HMCN1: variants seen among roughly 807,000 people sequenced by gnomAD.
HMCN1 encodes the protein hemicentin 1, also known as hemicentin-1.
A neutral mutation model predicts 625.9 loss-of-function variants in HMCN1; 321 were observed. That is an observed-to-expected ratio of 0.51 (90% CI 0.47 to 0.56). The LOEUF is 0.56. Ranked by LOEUF, HMCN1 falls within the 20% of genes least tolerant of loss-of-function variation. The probability of loss-of-function intolerance (pLI) is 0.00; values close to 1 mark genes in which losing one functional copy is unlikely to be tolerated. For synonymous variants in HMCN1, 2,425 were observed against 2,417.6 expected (o/e 1.00, Z -0.09); for missense variants, 6,588 against 6,887.3 (o/e 0.96, Z 1.54).
intron 46 of HMCN1, among the ~76,000 whole-genome samples, chr1:186,059,368 T>C (rs1160409258): frequency 6.6e-6 from 1 of 152,114 alleles, no homozygotes; most frequent in East Asian, 1.9e-4. Flanking sequence ...GGGACTCTTA[T>C]TAAATATAGT....
intron 4 of HMCN1, among the ~76,000 whole-genome samples, chr1:185,880,321 T>G (rs1218114887): frequency 4.6e-5 from 7 of 152,140 alleles, no homozygotes; most frequent in Non-Finnish European, 7.4e-5. Flanking sequence ...AAAAGGAGAT[T>G]GATAATTGCA....
Position 186,086,300 on chromosome 1 carries a change from A to C in HMCN1, c.8939A>C (p.Asn2980Thr), listed in dbSNP as rs150226500. 5.8e-4 allele frequency: 943 copies of C among 1,613,260 alleles called. No homozygotes were observed. The highest frequency in any genetic ancestry group is 5.3e-3 in the Middle Eastern group (32 of 6,056). Residue 2980 changes from asparagine to threonine, a missense_variant, in exon 58 of 107, where the codon AAT (asparagine) becomes ACT (threonine). By Grantham distance (65) the Asn-to-Thr change is moderately conservative. This residue lies in a region of HMCN1 where 4,628 missense variants were observed against 4,853.1 expected (regional missense o/e 0.95). Coordinates refer to ENST00000271588, the MANE Select transcript of HMCN1 (RefSeq NM_031935.3). ...GAAAATCTTACCGTCGTGGTGAACA[A>C]TTTCATCTCTTTGACCTGTGAGGTC... ...KSENLTVVVN[N>T]FISLTCEVSG...
intron 20 of HMCN1, among the ~76,000 whole-genome samples, 177 bp from the exon 21 acceptor site, chr1:185,989,307 TTTTA>T (rs2102024396): frequency 6.6e-6 from 1 of 152,250 alleles, no homozygotes. Flanking sequence ...ATTTTAGTAC[TTTTA>T]TTTGTCTAAT....
At chr1:185,960,435 A>G (rs1297798415) in intron 11 of HMCN1, among the ~76,000 whole-genome samples, 1 of 152,120 alleles carries the variant, frequency 6.6e-6, no homozygotes, top group African/African-American at 2.4e-5. Flanking sequence ...GGCAATCAGC[A>G]GGAATATTCT....
At position 186,033,840 on chromosome 1, in the gene HMCN1, A is replaced by G. The variant is rs1175275093; in HGVS notation, c.5750-4094A>G. Reference sequence around the variant, plus strand: ...ATATTTTAAATAACATAATTTGGCAACTCTGGAAATCATATCCTTCTCTCC... The same window carrying G: ...ATATTTTAAATAACATAATTTGGCAGCTCTGGAAATCATATCCTTCTCTCC... On this transcript the variant is annotated intron_variant, in intron 36 of 106. Transcript: ENST00000271588. Among the ~76,000 whole-genome samples the G allele has an allele frequency of 2.0e-5, 3 of 151,712 alleles. No individual in the cohort carries two copies. The East Asian group carries it at 5.8e-4, about 29-fold the overall frequency.
rs576705420 is a variant in HMCN1, at chr1:185,866,590, T to C, written c.621+727T>C. On this transcript the variant is annotated intron_variant, in intron 4 of 106. Transcript: ENST00000271588. ...CGGCTAATTTTTTTTGTATTTTTAG[T>C]AGAGACGGGGTTTCACCATGTTAGC... Among the ~76,000 whole-genome samples, 126 of 151,804 alleles carry C rather than the reference T, an allele frequency of 8.3e-4. 1 individual carries two copies. The highest frequency in any genetic ancestry group is 2.9e-3 in the African/African-American group (120 of 41,460).
At chr1:185,872,276 T>G (rs757281310) in intron 4 of HMCN1, among the ~76,000 whole-genome samples, 6 of 152,140 alleles carry the variant, frequency 3.9e-5, no homozygotes, top group Non-Finnish European at 7.3e-5. Flanking sequence ...TGTGCTAAGA[T>G]TGACATGTTG....
chr1:186,067,928 T>C lies in HMCN1; in HGVS notation c.7800T>C (p.Tyr2600=). 3 of 1,613,534 alleles carry C rather than the reference T, an allele frequency of 1.9e-6. No homozygotes were observed. The highest frequency in any genetic ancestry group is 2.5e-6 in the Non-Finnish European group (3 of 1,179,470). Reference sequence around the variant, plus strand: ...CTACATCTTTGGTCTGTGAAGCTTATTCATATCCTCCAGCTACCATCACCT... The same window carrying C: ...CTACATCTTTGGTCTGTGAAGCTTACTCATATCCTCCAGCTACCATCACCT... ...NSPTSLVCEA[Y]SYPPATITWF... is the part of the protein sequence containing the mutation. The change falls in exon 50 of 107, where the codon TAT becomes TAC. Residue 2600 remains tyrosine (Y), a synonymous_variant. Transcript: ENST00000271588.
intron 1 of HMCN1, among the ~76,000 whole-genome samples, chr1:185,781,914 T>A (rs1044927733): frequency 6.6e-6 from 1 of 152,222 alleles, no homozygotes; most frequent in African/African-American, 2.4e-5. Flanking sequence ...GTTAACTTTC[T>A]GTCTTGTAGA....
At chr1:185,939,787 C>T (rs1383129606) in intron 11 of HMCN1, among the ~76,000 whole-genome samples, 1 of 151,970 alleles carries the variant, frequency 6.6e-6, no homozygotes, top group African/African-American at 2.4e-5. Context: ...AAATAAAAGA[C>T]AGTTTAAAAA....
intron 2 of HMCN1, among the ~76,000 whole-genome samples, chr1:185,856,449 C>T (rs903309505): frequency 4.7e-5 from 7 of 149,554 alleles, no homozygotes; most frequent in Non-Finnish European, 1.0e-4. Flanking sequence ...GATCGCGCCA[C>T]TGCACTCCAG....
At chr1:186,149,479 G>A (rs1301577937) in intron 93 of HMCN1, among the ~76,000 whole-genome samples, 3 of 152,126 alleles carry the variant, frequency 2.0e-5, no homozygotes, top group Non-Finnish European at 4.4e-5. Flanking sequence ...TCTGGATTGG[G>A]CTTTGGCTTA....
chr1:186,078,726 A>C (rs1391372009), intron 55 of HMCN1, among the ~76,000 whole-genome samples: 2 of 152,216 alleles, frequency 1.3e-5, no homozygotes, highest in Non-Finnish European at 2.9e-5. Context: ...TAATTGGCCA[A>C]GTGTGAATCA....
chr1:185,812,365 T>A (rs1223951465), intron 1 of HMCN1, among the ~76,000 whole-genome samples: 1 of 152,162 alleles, frequency 6.6e-6, no homozygotes, highest in Non-Finnish European at 1.5e-5. Flanking sequence ...GCTACTTGAC[T>A]TGAAAAAAAT....
chr1:186,049,408 A>C (rs992453247), intron 42 of HMCN1, among the ~76,000 whole-genome samples: 2 of 151,832 alleles, frequency 1.3e-5, no homozygotes. Context: ...TGTATTTCAC[A>C]TACTTTAAAA....
chr1:185,847,986 T>C (rs1161482131), intron 2 of HMCN1, among the ~76,000 whole-genome samples: 1 of 152,154 alleles, frequency 6.6e-6, no homozygotes, highest in Non-Finnish European at 1.5e-5. Flanking sequence ...TTTCATTGTT[T>C]TTTAAATATG....
chr1:185,864,566 C>T lies in HMCN1; in HGVS notation c.436C>T (p.Arg146Trp), dbSNP rs771097693. 9.9e-6 allele frequency: 16 copies of T among 1,613,930 alleles called. No homozygotes were observed. The highest frequency in any genetic ancestry group is 1.4e-5 in the Non-Finnish European group (16 of 1,179,940). Residue 146 changes from arginine to tryptophan, a missense_variant, in exon 3 of 107, where the codon CGG becomes TGG. This residue lies in a region of HMCN1 where 4,628 missense variants were observed against 4,853.1 expected (regional missense o/e 0.95). Transcript: ENST00000271588. ...TTTCATCTATGTTTTCACTGATGCT[C>T]GGTCCAAAGATTACCGGCTCACCCA... ...GSFIYVFTDARSKDYRLTHEV... is the reference protein window; with the variant it reads ...GSFIYVFTDAWSKDYRLTHEV...
chr1:186,158,912 A>G (rs959135121), intron 97 of HMCN1, among the ~76,000 whole-genome samples: 11 of 152,096 alleles, frequency 7.2e-5, no homozygotes, highest in Non-Finnish European at 1.3e-4. Context: ...TTGACTTGGC[A>G]ATGCAGGCTC....
At chr1:185,945,951 G>T (rs1227796824) in intron 11 of HMCN1, among the ~76,000 whole-genome samples, 2 of 152,202 alleles carry the variant, frequency 1.3e-5, no homozygotes, top group African/African-American at 4.8e-5. Flanking sequence ...AAAAAACAGT[G>T]ATTGCAGTTA....
Sources: gnomAD v4.1 joint callset for allele counts (sites outside exome capture counted in the v4.1 genomes callset) on GRCh38, gnomAD v4.1.1 for gene constraint, gnomAD v4.1.1 regional missense constraint, MANE v1.5 for transcripts, NCBI Gene and HGNC (gene_info 2026-07-23, HGNC 2026-07-21) for gene names.